Variants in VPS13B observed in about 807,000 individuals in gnomAD.
VPS13B encodes the protein intermembrane lipid transfer protein VPS13B.
VPS13B carries 285 observed loss-of-function variants against 426.4 expected under a neutral mutation model. That is an observed-to-expected ratio of 0.67 (90% CI 0.61 to 0.74). VPS13B has a LOEUF of 0.74. Ranked by LOEUF, VPS13B falls within the 30% of genes least tolerant of loss-of-function variation. VPS13B has a pLI of 0.00. For synonymous variants in VPS13B, 1,676 were observed against 1,676.4 expected (o/e 1.00, Z 0.01); for missense variants, 4,537 against 4,782.6 (o/e 0.95, Z 1.51).
At chr8:99,251,459 A>G (rs1817507475) in intron 17 of VPS13B, among the ~76,000 whole-genome samples, 2 of 151,642 alleles carry the variant, frequency 1.3e-5, no homozygotes, top group South Asian at 4.2e-4. Flanking sequence ...CATATGGTGG[A>G]TTGCATTGAT....
intron 12 of VPS13B, among the ~76,000 whole-genome samples, chr8:99,142,251 T>A (rs1349811962): frequency 6.6e-6 from 1 of 152,220 alleles, no homozygotes; most frequent in Non-Finnish European, 1.5e-5. Context: ...TGGAAAATTC[T>A]TTCTTCTTTT....
chr8:99,051,529 A>C (rs1023145510), intron 3 of VPS13B, among the ~76,000 whole-genome samples: 7 of 152,088 alleles, frequency 4.6e-5, no homozygotes, highest in African/African-American at 1.7e-4. Context: ...TTTTGGTTCC[A>C]TATGAACTTT....
intron 3 of VPS13B, among the ~76,000 whole-genome samples, chr8:99,073,592 A>G (rs1844946816): frequency 6.6e-6 from 1 of 150,962 alleles, no homozygotes; most frequent in South Asian, 2.1e-4. Context: ...CACTGAATTT[A>G]TCAGATTTAA....
chr8:99,177,050 T>A (rs1453290349), intron 16 of VPS13B, among the ~76,000 whole-genome samples: 1 of 152,158 alleles, frequency 6.6e-6, no homozygotes, highest in East Asian at 1.9e-4. Flanking sequence ...TAAGTGCAGA[T>A]GAAAGTGCCC....
At chr8:99,186,927 A>G (rs1813249614) in intron 16 of VPS13B, among the ~76,000 whole-genome samples, 1 of 152,196 alleles carries the variant, frequency 6.6e-6, no homozygotes, top group African/African-American at 2.4e-5. Flanking sequence ...ATTTGGGAAC[A>G]TTTTAGGTGA....
intron 19 of VPS13B, among the ~76,000 whole-genome samples, chr8:99,323,502 T>C (rs148254551): frequency 5.3e-5 from 8 of 152,344 alleles, no homozygotes; most frequent in African/African-American, 1.7e-4. Context: ...CAATATGGCT[T>C]ATTAACCATC....
At chr8:99,800,580 G>A (rs1467918578) in intron 43 of VPS13B, among the ~76,000 whole-genome samples, 1 of 151,986 alleles carries the variant, frequency 6.6e-6, no homozygotes, top group Non-Finnish European at 1.5e-5. Context: ...TGTTTATGCA[G>A]TATATTAGTT....
Position 99,766,223 on chromosome 8 carries a change from G to C in VPS13B, c.7051-551G>C, listed in dbSNP as rs533537074. The stretch of plus-strand genomic sequence containing the variant: ...GCCTCCCGAGTAGCTGGGATTACAG[G>C]TGCACGCCACCACACCTGGCTAACT... On this transcript the variant is annotated intron_variant, in intron 39 of 61. Coordinates refer to ENST00000357162, the MANE Select transcript of VPS13B (RefSeq NM_152564.5). 1.5e-4 allele frequency among the ~76,000 whole-genome samples: 23 copies of C among 151,884 alleles called. No individual in the cohort carries two copies. In the East Asian group the frequency reaches 4.5e-3, roughly 29 times the overall value.
intron 8 of VPS13B, among the ~76,000 whole-genome samples, chr8:99,122,150 C>T (rs765896377): frequency 2.6e-5 from 4 of 151,668 alleles, no homozygotes; most frequent in South Asian, 2.1e-4. Context: ...TTAGCTATCA[C>T]GCCCAGCCTC....
intron 23 of VPS13B, among the ~76,000 whole-genome samples, chr8:99,458,345 C>G (rs1267950180): frequency 2.0e-5 from 3 of 151,854 alleles, no homozygotes; most frequent in African/African-American, 7.3e-5. Flanking sequence ...GGTTCCAAGT[C>G]TTTGCTATTG....
chr8:99,501,537 T>C, intron 25 of VPS13B, 150 bp from the exon 26 acceptor site: 1 of 741,458 alleles, frequency 1.3e-6, no homozygotes, highest in South Asian at 1.9e-5. Context: ...ATTAGCATTA[T>C]GTATTGGTAT....
At chr8:99,025,609 G>GT (rs1842094803) in intron 2 of VPS13B, among the ~76,000 whole-genome samples, 1 of 152,092 alleles carries the variant, frequency 6.6e-6, no homozygotes, top group African/African-American at 2.4e-5. Flanking sequence ...CTATCCTTCA[G>GT]TTTTTTGGAA....
intron 16 of VPS13B, among the ~76,000 whole-genome samples, chr8:99,182,338 GGATT>G (rs765196114): frequency 5.9e-5 from 9 of 152,112 alleles, no homozygotes; most frequent in Non-Finnish European, 1.2e-4. Context: ...GAAGGAGGAA[GGATT>G]GATTGGGAAG....
intron 3 of VPS13B, among the ~76,000 whole-genome samples, chr8:99,044,032 C>T (rs1322174868): frequency 2.0e-5 from 3 of 148,948 alleles, no homozygotes; most frequent in African/African-American, 7.4e-5. Flanking sequence ...CCCTCTCTAG[C>T]TTCTTTTCTT....
At chr8:99,354,790 C>T (rs1315073989) in intron 19 of VPS13B, among the ~76,000 whole-genome samples, 1 of 152,100 alleles carries the variant, frequency 6.6e-6, no homozygotes, top group Non-Finnish European at 1.5e-5. Flanking sequence ...CTCCTTGGCT[C>T]AAGCGATCCT....
chr8:99,687,392 CA>C (rs1831459832), intron 35 of VPS13B, among the ~76,000 whole-genome samples: 1 of 151,996 alleles, frequency 6.6e-6, no homozygotes, highest in Non-Finnish European at 1.5e-5. Flanking sequence ...CCTAGCCCAG[CA>C]CAGAACCAGG....
intron 17 of VPS13B, among the ~76,000 whole-genome samples, chr8:99,271,961 A>G (rs1818631927): frequency 6.6e-6 from 1 of 152,210 alleles, no homozygotes; most frequent in South Asian, 2.1e-4. Context: ...GGTATTTCTC[A>G]GGATAACATT....
intron 35 of VPS13B, chr8:99,697,326 G>A: frequency 1.8e-6 from 1 of 570,140 alleles, no homozygotes; most frequent in South Asian, 2.0e-5. Flanking sequence ...AGGTGTGGAA[G>A]CCACCCCTCG....
At chr8:99,819,725 A>G in intron 48 of VPS13B, 143 bp downstream of exon 48, 2 of 1,232,166 alleles carry the variant, frequency 1.6e-6, no homozygotes, top group Non-Finnish European at 2.3e-6. Context: ...TGTATTTTGT[A>G]GATTTCTTTA....
Sources: gnomAD v4.1 joint callset for allele counts (sites outside exome capture counted in the v4.1 genomes callset) on GRCh38, gnomAD v4.1.1 for gene constraint, MANE v1.5 for transcripts, NCBI Gene and HGNC (gene_info 2026-07-23, HGNC 2026-07-21) for gene names.